Variants in VPS11 observed in about 807,000 individuals in gnomAD.
VPS11 encodes vacuolar protein sorting-associated protein 11 homolog.
Under a neutral mutation model 106.8 loss-of-function variants are expected in VPS11, and 51 were observed. The observed-to-expected ratio is 0.48, with a 90% CI of 0.38 to 0.60. The LOEUF (loss-of-function observed/expected upper bound fraction) is 0.60. VPS11 is among the 20% of genes least tolerant of loss of function. The probability of loss-of-function intolerance (pLI) is 0.00; values close to 1 mark genes in which losing one functional copy is unlikely to be tolerated. For synonymous variants in VPS11, 453 were observed against 458.7 expected (o/e 0.99, Z 0.16); for missense variants, 950 against 1,190.0 (o/e 0.80, Z 2.97).
intron 5 of VPS11, 107 bp from the exon 6 acceptor site, chr11:119,073,091 G>C: frequency 7.8e-7 from 1 of 1,274,508 alleles, no homozygotes; most frequent in Non-Finnish European, 1.1e-6. Flanking sequence ...GGACCAGAGA[G>C]GTGATTTGTG....
In VPS11 at chr11:119,069,185, C is replaced by A; in HGVS notation, c.188-11C>A. On this transcript the variant is annotated splice_polypyrimidine_tract_variant and intron_variant, in intron 1 of 15. Transcript: ENST00000621676. ...TCTCCTTGGAAAGGAGGCTCCTTGA[C>A]TACCCTGCACATATGGAAGGCCAGA... is the stretch of plus-strand genomic sequence containing the variant. 1.2e-6 allele frequency: 2 copies of A among 1,613,588 alleles called. No individual in the cohort carries two copies. Among genetic ancestry groups the A allele is most frequent in the Non-Finnish European group, 1.7e-6 (2 of 1,179,774 alleles).
At chr11:119,069,151 G>A in intron 1 of VPS11, 45 bp from the exon 2 acceptor site, 2 of 1,609,710 alleles carry the variant, frequency 1.2e-6, no homozygotes, top group South Asian at 1.1e-5. Flanking sequence ...TGGTCTGAAT[G>A]TAAGTATCTC....
chr11:119,077,444 C>T (rs774642256), intron 8 of VPS11, 57 bp from the exon 9 acceptor site: 40 of 1,573,730 alleles, frequency 2.5e-5, no homozygotes, highest in Non-Finnish European at 3.2e-5. Context: ...TGCCTGTTTC[C>T]TCTCCCTTCT....
chr11:119,073,260 T>C lies in VPS11; in HGVS notation c.947T>C (p.Leu316Pro). ...AAGCAGATTCTAAACATCTATGACC[T>C]GTGCAACAAGTTCATAGCCTATAGC... is the stretch of plus-strand genomic sequence containing the variant. Reference protein sequence around the residue: ...SDKQILNIYDLCNKFIAYSTV... With the variant: ...SDKQILNIYDPCNKFIAYSTV... The change falls in exon 6 of 16, where the codon CTG (leucine) becomes CCG (proline). Residue 316 changes from leucine (L) to proline (P), a missense_variant. By Grantham distance (98) the Leu-to-Pro change is moderately conservative (BLOSUM62 -3). Around this residue, in one of 3 missense-constraint regions of VPS11, gnomAD observed 435 missense variants for 630.2 expected, o/e 0.69. Transcript: ENST00000621676. The C allele has an allele frequency of 6.2e-7, 1 of 1,613,966 alleles. No individual in the cohort carries two copies. Among genetic ancestry groups the C allele is most frequent in the Non-Finnish European group, 8.5e-7 (1 of 1,179,854 alleles).
chr11:119,081,533 G>C lies in VPS11; in HGVS notation c.2736G>C (p.Leu912=). 6.2e-7 allele frequency: 1 copy of C among 1,613,986 alleles called. No homozygotes were observed. Among genetic ancestry groups the C allele is most frequent in the Non-Finnish European group, 8.5e-7 (1 of 1,179,894 alleles). ...GAGGTGTTTTCAACAAATTGACTCT[G>C]CTGACCGACCCTCCCACAGCCAGAC... ...FGRGVFNKLT[L]LTDPPTARLT... is the part of the protein sequence containing the mutation. The change falls in exon 16 of 16, where the codon CTG becomes CTC. Residue 912 remains leucine (L), a synonymous_variant. Coordinates refer to ENST00000621676, the MANE Select transcript of VPS11 (RefSeq NM_021729.6).
rs1372081058 is a variant in VPS11 at position 119,079,138 on chromosome 11, C to A, written c.2276C>A (p.Thr759Asn). 2 of 1,613,808 alleles carry A rather than the reference C, an allele frequency of 1.2e-6. No individual in the cohort carries two copies. The highest frequency in any genetic ancestry group is 3.3e-5 in the Admixed American group (2 of 60,002). The change falls in exon 14 of 16, where the codon ACC (threonine) becomes AAC (asparagine). Residue 759 changes from threonine (T) to asparagine (N), a missense_variant. Transcript: ENST00000621676. ...TGGACCCCAATCTCAGTGGTGCAGACCCTGGCCCACAACTCCACAGCCACA... is the reference window on the plus strand; with the variant it reads ...TGGACCCCAATCTCAGTGGTGCAGAACCTGGCCCACAACTCCACAGCCACA... ...NLMPPLLVVQTLAHNSTATLS... is the reference protein window; with the variant it reads ...NLMPPLLVVQNLAHNSTATLS...
Position 119,077,547 on chromosome 11 carries a change from A to G in VPS11, c.1472A>G (p.Lys491Arg), listed in dbSNP as rs1445580677. ...CACTTTGATGTGGAGACAGCCATCA[A>G]GGTCCTCCGGCAGGCTGGCTACTAC... ...EVHFDVETAI[K>R]VLRQAGYYSH... is the part of the protein sequence containing the mutation. The change falls in exon 9 of 16, where the codon AAG becomes AGG. Residue 491 changes from lysine to arginine, a missense_variant. Coordinates refer to ENST00000621676, the MANE Select transcript of VPS11 (RefSeq NM_021729.6). 5.6e-6 allele frequency: 9 copies of G among 1,613,924 alleles called. No homozygotes were observed. Among genetic ancestry groups the G allele is most frequent in the African/African-American group, 4.0e-5 (3 of 74,952 alleles).
At position 119,078,165 on chromosome 11, in the gene VPS11, C is replaced by T; in HGVS notation, c.1762-8C>T. On this transcript the variant is annotated splice_region_variant and splice_polypyrimidine_tract_variant and intron_variant, in intron 10 of 15. Transcript: ENST00000621676. Reference sequence around the variant, plus strand: ...TTCAGCCTCCTTTTTCCTCTCTTGCCATCCTAGGCCAACTCTGAGGAGTTC... The same window carrying T: ...TTCAGCCTCCTTTTTCCTCTCTTGCTATCCTAGGCCAACTCTGAGGAGTTC... The T allele has an allele frequency of 1.2e-6, 2 of 1,612,502 alleles. No individual in the cohort carries two copies. Among genetic ancestry groups the T allele is most frequent in the African/African-American group, 1.3e-5 (1 of 75,050 alleles).
rs1392261374 is a variant in VPS11 at position 119,077,911 on chromosome 11, C to T, written c.1606C>T (p.Leu536=). ...GGAAGCCCTTCGATACATCGGCAAG[C>T]TGCCTTTTGAGCAGGCAGAGAGCAA... is the stretch of plus-strand genomic sequence containing the variant. ...YQEALRYIGK[L]PFEQAESNMK... is the part of the protein sequence containing the mutation. Residue 536 remains leucine (L), a synonymous_variant, in exon 10 of 16, where the codon CTG becomes TTG. Transcript: ENST00000621676. The T allele has an allele frequency of 1.2e-6, 2 of 1,614,064 alleles. No homozygotes were observed. Among genetic ancestry groups the T allele is most frequent in the Non-Finnish European group, 8.5e-7 (1 of 1,179,904 alleles).
At chr11:119,073,003 A>C in intron 5 of VPS11, 195 bp from the exon 6 acceptor site, 1 of 613,554 alleles carries the variant, frequency 1.6e-6, no homozygotes, top group Non-Finnish European at 2.9e-6. Context: ...TAATTGTAGG[A>C]TCCTAAAGGG....
chr11:119,077,703 C>G, intron 9 of VPS11, 56 bp downstream of exon 9: 1 of 1,546,028 alleles, frequency 6.5e-7, no homozygotes, highest in East Asian at 2.4e-5. Flanking sequence ...GTTGCCCAGG[C>G]TGGAGTTGAA....
At chr11:119,074,594 G>A (rs782087360) in intron 7 of VPS11, among the ~76,000 whole-genome samples, 2 of 151,988 alleles carry the variant, frequency 1.3e-5, no homozygotes, top group African/African-American at 2.4e-5. Context: ...TAGTAGAGAC[G>A]GGGTTTCACC....
Position 119,070,416 on chromosome 11 carries a change from C to T in VPS11, c.636+19C>T, listed in dbSNP as rs1293118389. On this transcript the variant is annotated intron_variant, in intron 4 of 15. Coordinates refer to ENST00000621676, the MANE Select transcript of VPS11 (RefSeq NM_021729.6). ...CGTCCAGGTATGACCAAGGCCTCCA[C>T]TCTTAGGAGCAGGCAGGGAGGGCTT... 1.3e-6 allele frequency: 2 copies of T among 1,596,832 alleles called. No homozygotes were observed. Among genetic ancestry groups the T allele is most frequent in the South Asian group, 2.2e-5 (2 of 89,464 alleles).
rs143809139 is a variant in VPS11, at chr11:119,078,601, C to T, written c.1960C>T (p.Leu654=). The change falls in exon 12 of 16, where the codon CTG becomes TTG. Residue 654 remains leucine, a synonymous_variant. Coordinates refer to ENST00000621676, the MANE Select transcript of VPS11 (RefSeq NM_021729.6). ...EKLHAEAISL[L]KSGRFCDVFD... is the part of the protein sequence containing the mutation. ...GCTTCACGCAGAGGCCATTTCCCTG[C>T]TGAAGAGTGGTCGCTTCTGCGACGT... The T allele has an allele frequency of 3.5e-4, 571 of 1,613,782 alleles. 10 individuals are homozygous for T. The East Asian group carries it at 0.012, about 35-fold the overall frequency.
At chr11:119,073,747 A>C in intron 6 of VPS11, 53 bp from the exon 7 acceptor site, 1 of 1,573,702 alleles carries the variant, frequency 6.4e-7, no homozygotes, top group East Asian at 2.3e-5. Context: ...ATTTTGGGAA[A>C]GTGTCTTCCC....
chr11:119,069,331 G>T lies in VPS11; in HGVS notation c.323G>T (p.Gly108Val). The T allele has an allele frequency of 6.2e-7, 1 of 1,613,994 alleles. No individual in the cohort carries two copies. Among genetic ancestry groups the T allele is most frequent in the Non-Finnish European group, 8.5e-7 (1 of 1,179,888 alleles). The change falls in exon 2 of 16, where the codon GGC (glycine) becomes GTC (valine). Residue 108 changes from glycine to valine, a missense_variant. This residue lies in a region of VPS11 where 435 missense variants were observed against 630.2 expected (regional missense o/e 0.69). Transcript: ENST00000621676. Reference protein sequence around the residue: ...ILASVGEDEEGINPLVKIWNL... With the variant: ...ILASVGEDEEVINPLVKIWNL... ...GCATCTGTTGGAGAAGATGAAGAGG[G>T]CATCAACCCCTTGGTGAGTCCCAGC...
Position 119,081,668 on chromosome 11 carries a change from C to A in VPS11, c.*45C>A. ...GGGCAACAGTGGAGGACCAAGAGAACAGACACAATGGGACCTGGGCGGGCG... is the reference window on the plus strand; with the variant it reads ...GGGCAACAGTGGAGGACCAAGAGAAAAGACACAATGGGACCTGGGCGGGCG... On this transcript the variant is annotated 3_prime_UTR_variant, in exon 16 of 16. Coordinates refer to ENST00000621676, the MANE Select transcript of VPS11 (RefSeq NM_021729.6). 1 of 1,604,368 alleles carries A rather than the reference C, an allele frequency of 6.2e-7. No individual in the cohort carries two copies. Among genetic ancestry groups the A allele is most frequent in the Non-Finnish European group, 8.5e-7 (1 of 1,174,524 alleles).
intron 5 of VPS11, 131 bp downstream of exon 5, chr11:119,071,974 C>CT: frequency 3.1e-6 from 4 of 1,276,538 alleles, no homozygotes; most frequent in African/African-American, 1.8e-5. Flanking sequence ...GGTAACATTT[C>CT]TGTTTTTTTT....
chr11:119,071,980 T>TC, intron 5 of VPS11, 137 bp downstream of exon 5: 2 of 1,286,236 alleles, frequency 1.6e-6, no homozygotes, highest in Non-Finnish European at 2.1e-6. Flanking sequence ...ATTTCTGTTT[T>TC]TTTTTTTTGA....
Sources: allele counts gnomAD v4.1 joint callset (sites outside exome capture counted in the v4.1 genomes callset), GRCh38; gene constraint gnomAD v4.1.1; regional missense constraint gnomAD v4.1.1; transcripts MANE v1.5; gene names NCBI Gene and HGNC (gene_info 2026-07-23, HGNC 2026-07-21).